The following DNM3 variants were observed in gnomAD, a reference collection of about 807,000 sequenced individuals.
DNM3 encodes dynamin 3, also known as dynamin-3.
DNM3 carries 47 observed loss-of-function variants against 101.6 expected under a neutral mutation model. The observed-to-expected ratio is 0.46, with a 90% CI of 0.37 to 0.59. DNM3 has a LOEUF of 0.59. Among genes scored for constraint, DNM3 ranks in the 20% least tolerant of loss-of-function variants. DNM3 has a pLI of 0.00. For synonymous variants in DNM3, 385 were observed against 387.9 expected, an observed-to-expected ratio of 0.99 and a Z score of 0.09; for missense variants, 849 against 1,085.7, an observed-to-expected ratio of 0.78 and a Z score of 3.06.
rs565287206 is a variant in DNM3, at chr1:172,010,497, C to T, written c.589+21349C>T. 2.0e-5 allele frequency among the ~76,000 whole-genome samples: 3 copies of T among 149,796 alleles called. No homozygotes were observed. The Admixed American group carries it at 2.0e-4, about 10-fold the overall frequency. ...GTGATAATCTTTTTTTTTTTGTTAG[C>T]ACTTTAAATATGTCTTCTAATGTCC... On this transcript the variant is annotated intron_variant, in intron 4 of 20. Coordinates refer to ENST00000627582, the MANE Select transcript of DNM3 (RefSeq NM_015569.5).
chr1:172,154,136 G>A (rs1230624722), intron 14 of DNM3, among the ~76,000 whole-genome samples: 1 of 152,026 alleles, frequency 6.6e-6, no homozygotes, highest in Non-Finnish European at 1.5e-5. Context: ...GGCCATGCCT[G>A]TAGTTTCTAG....
At position 172,289,312 on chromosome 1, in the gene DNM3, T is replaced by C. The variant is rs141459627; in HGVS notation, c.1770-19416T>C. ...TTAAATTTTTTTCCAATTTATCCTG[T>C]AGATACTGGTCAGATGGGATTTTAT... On this transcript the variant is annotated intron_variant, in intron 15 of 20. Transcript: ENST00000627582. Among the ~76,000 whole-genome samples the C allele has an allele frequency of 4.3e-3, 648 of 152,260 alleles. 12 individuals carry two copies. The highest frequency in any genetic ancestry group is 0.015 in the African/African-American group (609 of 41,576).
chr1:172,056,568 C>T (rs1449352154), intron 10 of DNM3, among the ~76,000 whole-genome samples: 1 of 152,132 alleles, frequency 6.6e-6, no homozygotes. Flanking sequence ...GGGAGGCACC[C>T]CCAAGCAGGG....
chr1:172,272,055 G>A (rs1413986099), intron 15 of DNM3, among the ~76,000 whole-genome samples: 1 of 151,898 alleles, frequency 6.6e-6, no homozygotes, highest in Non-Finnish European at 1.5e-5. Context: ...GAAAATATCT[G>A]CCAAAAACTG....
intron 1 of DNM3, among the ~76,000 whole-genome samples, chr1:171,897,809 A>G (rs2037944223): frequency 6.6e-6 from 1 of 152,212 alleles, no homozygotes; most frequent in Non-Finnish European, 1.5e-5. Flanking sequence ...TGTGAAATCA[A>G]TTAGACCAAC....
intron 10 of DNM3, among the ~76,000 whole-genome samples, chr1:172,065,399 T>A (rs1023458032): frequency 6.6e-6 from 1 of 152,168 alleles, no homozygotes; most frequent in Non-Finnish European, 1.5e-5. Context: ...GAATTGATTG[T>A]CTTGGTGACC....
Position 171,987,809 on chromosome 1 carries a change from A to T in DNM3, c.385+4A>T. ...TTACGAGTCTATTCCCCACACGGTA[A>T]GTAAAATAATAAAATTCCAAATTCT... is the stretch of plus-strand genomic sequence containing the variant. On this transcript the variant is annotated splice_donor_region_variant and intron_variant, in intron 3 of 20. Transcript: ENST00000627582. 6.5e-7 allele frequency: 1 copy of T among 1,540,526 alleles called. No homozygotes were observed. The highest frequency in any genetic ancestry group is 8.7e-7 in the Non-Finnish European group (1 of 1,149,840).
chr1:172,114,836 T>C (rs998870726), intron 13 of DNM3, among the ~76,000 whole-genome samples: 4 of 152,312 alleles, frequency 2.6e-5, no homozygotes, highest in Non-Finnish European at 5.9e-5. Context: ...TTTTACAGTA[T>C]GCATAAGTTT....
At chr1:172,330,350 A>G (rs1348218401) in intron 17 of DNM3, among the ~76,000 whole-genome samples, 1 of 152,124 alleles carries the variant, frequency 6.6e-6, no homozygotes, top group Non-Finnish European at 1.5e-5. Flanking sequence ...AATTTTCATG[A>G]TAAATTAACA....
intron 1 of DNM3, among the ~76,000 whole-genome samples, chr1:171,898,580 AT>A (rs1424087124): frequency 6.6e-6 from 1 of 152,164 alleles, no homozygotes; most frequent in Non-Finnish European, 1.5e-5. Context: ...GAAAATAAAA[AT>A]CACCTATAAT....
intron 13 of DNM3, among the ~76,000 whole-genome samples, chr1:172,129,472 T>C (rs554343667): frequency 5.3e-5 from 8 of 152,246 alleles, no homozygotes; most frequent in South Asian, 2.1e-4. Context: ...ATGCTGCTGA[T>C]AAAGACATAC....
chr1:171,980,174 G>A (rs2044687434), intron 2 of DNM3, among the ~76,000 whole-genome samples: 1 of 137,852 alleles, frequency 7.3e-6, no homozygotes, highest in Non-Finnish European at 1.6e-5. Context: ...TTGATTGCTA[G>A]ACTTTCCCTG....
chr1:172,400,014 G>A (rs556791503), intron 20 of DNM3: 1 of 152,158 alleles, frequency 6.6e-6, no homozygotes, highest in South Asian at 2.1e-4. Context: ...TGCTTGAAAG[G>A]TTCTTGCTCC....
chr1:172,158,305 T>TCTTAAACC (rs1454895689), intron 14 of DNM3, among the ~76,000 whole-genome samples: 1 of 151,896 alleles, frequency 6.6e-6, no homozygotes, highest in Non-Finnish European at 1.5e-5. Context: ...ATCTGAGTGG[T>TCTTAAACC]ACAATGATGG....
At position 172,409,759 on chromosome 1, in the gene DNM3, T is replaced by G. The variant is rs1334340604; in HGVS notation, c.*1918T>G. On this transcript the variant is annotated 3_prime_UTR_variant, in exon 21 of 21. Transcript: ENST00000627582. ...AAAACTTCTTGTTTTTAGGATTCCC[T>G]TTGCTTCTTCCTTTGAATTCTCTAA... 1 of 985,662 alleles carries G rather than the reference T, an allele frequency of 1.0e-6. No homozygotes were observed. The highest frequency in any genetic ancestry group is 1.2e-6 in the Non-Finnish European group (1 of 829,780). The allele number at this position is 985,662 out of a possible 1,614,324, so 61.1% of individuals were successfully genotyped here.
At chr1:172,221,935 T>C (rs377629897) in intron 14 of DNM3, among the ~76,000 whole-genome samples, 1 of 152,164 alleles carries the variant, frequency 6.6e-6, no homozygotes, top group South Asian at 2.1e-4. Context: ...ATGCATAGAA[T>C]AGAGTTTATC....
At position 171,878,166 on chromosome 1, in the gene DNM3, A is replaced by G. The variant is rs924946972; in HGVS notation, c.161+36349A>G. On this transcript the variant is annotated intron_variant, in intron 1 of 20. Transcript: ENST00000627582. The stretch of plus-strand genomic sequence containing the variant: ...GTAGGTATTAAAGATAAGACTTCCA[A>G]CTCCCCAAAAGTAAAATTACTAACA... Among the ~76,000 whole-genome samples, 4 of 152,176 alleles carry G rather than the reference A, an allele frequency of 2.6e-5. 1 individual carries two copies. The highest frequency in any genetic ancestry group is 1.9e-4 in the East Asian group (1 of 5,188).
intron 18 of DNM3, among the ~76,000 whole-genome samples, chr1:172,384,857 T>C (rs2069102004): frequency 6.6e-6 from 1 of 152,234 alleles, no homozygotes; most frequent in South Asian, 2.1e-4. Flanking sequence ...AATTGCACCA[T>C]GCATCCAACT....
chr1:171,969,193 A>C (rs2043811153), intron 2 of DNM3, among the ~76,000 whole-genome samples: 2 of 152,200 alleles, frequency 1.3e-5, no homozygotes, highest in South Asian at 4.1e-4. Context: ...ACAGGTTAAC[A>C]AGAGAAAAGC....
Sources: gnomAD v4.1 joint callset for allele counts (sites outside exome capture counted in the v4.1 genomes callset) on GRCh38, gnomAD v4.1.1 for gene constraint, MANE v1.5 for transcripts, NCBI Gene and HGNC (gene_info 2026-07-23, HGNC 2026-07-21) for gene names.